RIC3: variants seen among roughly 807,000 people sequenced by gnomAD.
RIC3 encodes RIC3 acetylcholine receptor chaperone, also known as protein RIC-3.
RIC3 carries 28 observed loss-of-function variants against 27.3 expected under a neutral mutation model. The observed-to-expected ratio is 1.02, with a 90% CI of 0.76 to 1.41. RIC3 has a LOEUF of 1.41. RIC3 is among the 40% of genes most tolerant of loss of function. RIC3 has a pLI of 0.00. For synonymous variants in RIC3, 184 were observed against 160.4 expected, an observed-to-expected ratio of 1.15 and a Z score of -1.11; for missense variants, 501 against 444.7, an observed-to-expected ratio of 1.13 and a Z score of -1.14.
chr11:8,154,315 T>C (rs1950484537), intron 1 of RIC3, among the ~76,000 whole-genome samples: 2 of 152,344 alleles, frequency 1.3e-5, no homozygotes, highest in South Asian at 2.1e-4. Flanking sequence ...TATGCATCTA[T>C]AAACAATATA....
intron 1 of RIC3, among the ~76,000 whole-genome samples, chr11:8,151,764 A>C (rs998236690): frequency 1.5e-4 from 22 of 150,988 alleles, no homozygotes; most frequent in Non-Finnish European, 1.9e-4. Context: ...AAATACAAAA[A>C]AATTACATGG....
At chr11:8,125,403 T>C (rs761398410) in intron 5 of RIC3, among the ~76,000 whole-genome samples, 2 of 152,048 alleles carry the variant, frequency 1.3e-5, no homozygotes, top group Non-Finnish European at 2.9e-5. Flanking sequence ...TGATAAAGAA[T>C]TTGTACTCGG....
In RIC3 at chr11:8,154,090, G is replaced by A. The variant is rs553060649; in HGVS notation, c.125-13897C>T. On this transcript the variant is annotated intron_variant, in intron 1 of 5. Coordinates refer to ENST00000309737, the MANE Select transcript of RIC3 (RefSeq NM_001206671.4). ...ATTATAAAACATTTGGAAATTTCTA[G>A]TGGGAATTTTTTTTTTACAAAAGAA... 2.8e-3 allele frequency among the ~76,000 whole-genome samples: 419 copies of A among 152,202 alleles called. 3 individuals carry two copies. The highest frequency in any genetic ancestry group is 9.4e-3 in the African/African-American group (392 of 41,522).
intron 4 of RIC3, among the ~76,000 whole-genome samples, chr11:8,127,922 G>A (rs564391728): frequency 1.3e-5 from 2 of 152,292 alleles, no homozygotes; most frequent in East Asian, 1.9e-4. Flanking sequence ...CATGAAGATA[G>A]TAACTGAGGA....
the RIC3 span, among the ~76,000 whole-genome samples, chr11:8,094,793 G>A: frequency 6.6e-6 from 1 of 152,214 alleles, no homozygotes; most frequent in East Asian, 1.9e-4. Flanking sequence ...TTTTGTTCAC[G>A]GACAGTGGTT....
chr11:8,152,206 A>C (rs1225141896), intron 1 of RIC3, among the ~76,000 whole-genome samples: 1 of 152,226 alleles, frequency 6.6e-6, no homozygotes, highest in African/African-American at 2.4e-5. Flanking sequence ...CAAAAGGTTA[A>C]ACATAGAGGA....
rs540015766 is a variant in RIC3 at position 8,131,773 on chromosome 11, T to G, written c.522-4966A>C. Among the ~76,000 whole-genome samples, 3 of 151,756 alleles carry G rather than the reference T, an allele frequency of 2.0e-5. No individual in the cohort carries two copies. In the East Asian group the frequency reaches 5.8e-4, roughly 29 times the overall value. ...AAAATTAGCCAGGCGTGGTGGCACA[T>G]GCCTGTAGTCCCAGCTACTCAGGAG... On this transcript the variant is annotated intron_variant, in intron 4 of 5. Transcript: ENST00000309737.
intron 1 of RIC3, among the ~76,000 whole-genome samples, chr11:8,160,855 A>G (rs570326271): frequency 5.3e-5 from 8 of 152,202 alleles, no homozygotes; most frequent in African/African-American, 1.7e-4. Context: ...TAACACAGGA[A>G]AGAAGACTGA....
Position 8,110,832 on chromosome 11 carries a change from T to C in RIC3, c.976A>G (p.Ser326Gly), listed in dbSNP as rs751047969. The C allele has an allele frequency of 1.1e-5, 17 of 1,614,136 alleles. No homozygotes were observed. Among genetic ancestry groups the C allele is most frequent in the Middle Eastern group, 1.6e-4 (1 of 6,084 alleles). The change falls in exon 6 of 6, where the codon AGC (serine) becomes GGC (glycine). Residue 326 changes from serine (S) to glycine (G), a missense_variant. Physicochemically the swap from Ser to Gly is moderately conservative, Grantham distance 56 (BLOSUM62 0). Coordinates refer to ENST00000309737, the MANE Select transcript of RIC3 (RefSeq NM_001206671.4). ...LAENAGFSAD[S>G]YPEQEETTKE... ...GTGGTTTCCTCTTGCTCAGGGTAGC[T>C]ATCTGCACTGAATCCAGCATTCTCT...
intron 4 of RIC3, among the ~76,000 whole-genome samples, chr11:8,136,143 A>C (rs1264988817): frequency 2.6e-5 from 4 of 152,158 alleles, no homozygotes; most frequent in Non-Finnish European, 4.4e-5. Context: ...TTTCAACAGC[A>C]CTGCAGACGT....
At position 8,168,883 on chromosome 11, in the gene RIC3, G is replaced by T. The variant is rs775618038; in HGVS notation, c.107C>A (p.Pro36Gln). Reference sequence around the variant, plus strand: ...GCTCTTACCTTCAGGTGTCGGCGGCGGCTCCTGCCGCTTCCCGCGGGACAG... The same window carrying T: ...GCTCTTACCTTCAGGTGTCGGCGGCTGCTCCTGCCGCTTCCCGCGGGACAG... ...AFLSRGKRQE[P>Q]PPTPEGKLGR... Residue 36 changes from proline (P) to glutamine (Q), a missense_variant, in exon 1 of 6, where the codon CCG becomes CAG. Physicochemically the swap from Pro to Gln is moderately conservative, Grantham distance 76. Transcript: ENST00000309737. 1 of 1,610,302 alleles carries T rather than the reference G, an allele frequency of 6.2e-7. No individual in the cohort carries two copies. The highest frequency in any genetic ancestry group is 1.7e-5 in the Admixed American group (1 of 59,686).
intron 4 of RIC3, among the ~76,000 whole-genome samples, chr11:8,133,940 A>C (rs1948046481): frequency 6.6e-6 from 1 of 151,748 alleles, no homozygotes; most frequent in Non-Finnish European, 1.5e-5. Flanking sequence ...TGGGTCTCCC[A>C]AGTGAGGGGC....
chr11:8,118,980 A>G (rs1946171482), intron 5 of RIC3, among the ~76,000 whole-genome samples: 1 of 152,212 alleles, frequency 6.6e-6, no homozygotes, highest in South Asian at 2.1e-4. Context: ...TAAAATGATA[A>G]AGAAATGGAA....
At chr11:8,128,758 T>TC (rs1440892693) in intron 4 of RIC3, among the ~76,000 whole-genome samples, 1 of 141,096 alleles carries the variant, frequency 7.1e-6, no homozygotes, top group East Asian at 2.0e-4. Context: ...AACTTTTTTT[T>TC]TTTTTTTTTT....
chr11:8,117,589 G>C (rs1227435121), intron 5 of RIC3, among the ~76,000 whole-genome samples: 2 of 141,370 alleles, frequency 1.4e-5, no homozygotes, highest in African/African-American at 5.2e-5. Flanking sequence ...ATTTCAGCTG[G>C]ATAGGAGGAA....
the RIC3 span, among the ~76,000 whole-genome samples, chr11:8,093,759 AACTTT>A: frequency 6.6e-6 from 1 of 152,190 alleles, no homozygotes; most frequent in African/African-American, 2.4e-5. Context: ...GGTGGCCCAG[AACTTT>A]TGAGTGCGCA....
chr11:8,130,588 C>T (rs929632461), intron 4 of RIC3, among the ~76,000 whole-genome samples: 3 of 152,134 alleles, frequency 2.0e-5, no homozygotes, highest in African/African-American at 7.2e-5. Flanking sequence ...CATTAGGTCC[C>T]CTTAACTTGC....
the RIC3 span, among the ~76,000 whole-genome samples, chr11:8,098,428 C>G: frequency 2.6e-5 from 4 of 152,226 alleles, no homozygotes; most frequent in Non-Finnish European, 1.5e-5. Flanking sequence ...GCCTCTTCCA[C>G]TGTCTTATCA....
the RIC3 span, chr11:8,101,026 G>A: frequency 6.2e-7 from 1 of 1,613,290 alleles, no homozygotes. Context: ...ACTCATTATG[G>A]TCCGTAGGAT....
Sources: gnomAD v4.1 joint callset for allele counts (sites outside exome capture counted in the v4.1 genomes callset) on GRCh38, gnomAD v4.1.1 for gene constraint, MANE v1.5 for transcripts, NCBI Gene and HGNC (gene_info 2026-07-23, HGNC 2026-07-21) for gene names.